MUC5AC: variants seen among roughly 807,000 people sequenced by gnomAD.
MUC5AC encodes mucin-5AC.
Under a neutral mutation model 169.7 loss-of-function variants are expected in MUC5AC, and 158 were observed. That is an observed-to-expected ratio of 0.93 (90% CI 0.82 to 1.06). MUC5AC has a LOEUF of 1.06. MUC5AC is among the 50% of genes least tolerant of loss of function. The probability of loss-of-function intolerance (pLI) is 0.00; values close to 1 mark genes in which losing one functional copy is unlikely to be tolerated. For synonymous variants in MUC5AC, 1,975 were observed against 1,237.0 expected (o/e 1.60, Z -12.52); for missense variants, 4,359 against 3,089.9 (o/e 1.41, Z -9.74).
intron 10 of MUC5AC, 43 bp from the exon 11 acceptor site, chr11:1,165,579 C>A (rs759562056): frequency 3.7e-6 from 6 of 1,607,820 alleles, no homozygotes; most frequent in Non-Finnish European, 5.1e-6. Context: ...GGAGGCTGGT[C>A]TCCTGGGGCC....
chr11:1,193,767 G>T, intron 33 of MUC5AC, 108 bp downstream of exon 33: 1 of 670,356 alleles, frequency 1.5e-6, no homozygotes, highest in South Asian at 1.6e-5. Context: ...GAAAAGAATT[G>T]GGTGGGACAG....
At chr11:1,178,765 G>A (rs1860744789) in intron 25 of MUC5AC, 82 bp downstream of exon 25, 1 of 734,106 alleles carries the variant, frequency 1.4e-6, no homozygotes. Flanking sequence ...AAGGGAATGG[G>A]GTCTGGGAGA....
At chr11:1,169,079 C>T (rs79430659) in intron 15 of MUC5AC, 53 bp downstream of exon 15, 737 of 1,491,224 alleles carry the variant, frequency 4.9e-4, no homozygotes, top group Non-Finnish European at 5.5e-4. Context: ...CTGGTTCACC[C>T]GCTTCCATTT....
chr11:1,174,860 C>G (rs912496051), intron 17 of MUC5AC, 22 bp from the exon 18 acceptor site: 6 of 418,742 alleles, frequency 1.4e-5, no homozygotes, highest in Non-Finnish European at 2.1e-5. Context: ...CCTGAGAATC[C>G]CCTCTTCCTG....
At chr11:1,168,452 C>A in intron 12 of MUC5AC, 31 bp from the exon 13 acceptor site, 1 of 1,606,862 alleles carries the variant, frequency 6.2e-7, no homozygotes. Flanking sequence ...AAGCCTGCCC[C>A]GCGCTCACAC....
intron 30 of MUC5AC, 147 bp from the exon 31 acceptor site, chr11:1,182,008 A>C: frequency 5.0e-6 from 2 of 397,854 alleles, no homozygotes; most frequent in Non-Finnish European, 8.9e-6. Flanking sequence ...TGTGCCGCTC[A>C]TGTGGGTTCT....
At chr11:1,199,298 C>T in intron 45 of MUC5AC, 73 bp from the exon 46 acceptor site, 1 of 697,882 alleles carries the variant, frequency 1.4e-6, no homozygotes, top group Non-Finnish European at 2.6e-6. Context: ...CTCTGGAAGC[C>T]CACGGGCTGG....
Position 1,189,748 on chromosome 11 carries a change from C to T in MUC5AC, c.11603C>T (p.Thr3868Ile), listed in dbSNP as rs1262308653. The T allele has an allele frequency of 3.0e-6, 2 of 662,172 alleles. No individual in the cohort carries two copies. Among genetic ancestry groups the T allele is most frequent in the African/African-American group, 3.6e-5 (2 of 56,320 alleles). The allele number at this position is 662,172 out of a possible 1,614,324, so 41.0% of individuals were successfully genotyped here. A position where few individuals can be genotyped will look rare whatever the true frequency, so the allele number is the denominator to read the frequency against. ...ACAAGCAGCACAACCTCTGCTCCTA[C>T]AGCCAGCACAATCTCTGCCCCTACA... ...APTSSTTSAP[T>I]ASTISAPTTS... The change falls in exon 31 of 49, where the codon ACA becomes ATA. Residue 3868 changes from threonine (T) to isoleucine (I), a missense_variant. Coordinates refer to ENST00000621226, the MANE Select transcript of MUC5AC (RefSeq NM_001304359.2).
Position 1,186,678 on chromosome 11 carries a change from A to G in MUC5AC, c.8533A>G (p.Thr2845Ala). Residue 2845 changes from threonine (T) to alanine (A), a missense_variant, in exon 31 of 49, where the codon ACC becomes GCC. Transcript: ENST00000621226. Reference protein sequence around the residue: ...TSSPVPTTSTTSAPTTSTTSA... With the variant: ...TSSPVPTTSTASAPTTSTTSA... ...AAGCCCTGTTCCCACCACCAGCACAACCTCTGCCCCTACAACCAGCACAAC... is the reference window on the plus strand; with the variant it reads ...AAGCCCTGTTCCCACCACCAGCACAGCCTCTGCCCCTACAACCAGCACAAC... 1 of 741,158 alleles carries G rather than the reference A, an allele frequency of 1.3e-6. No homozygotes were observed. The highest frequency in any genetic ancestry group is 2.5e-5 in the East Asian group (1 of 40,210). 45.9% of individuals were successfully genotyped at this position (741,158 alleles called of 1,614,324 possible).
intron 4 of MUC5AC, among the ~76,000 whole-genome samples, 160 bp downstream of exon 4, chr11:1,162,328 C>T (rs1053391583): frequency 2.0e-5 from 3 of 152,148 alleles, no homozygotes; most frequent in Non-Finnish European, 4.4e-5. Flanking sequence ...GAGTGGCCCA[C>T]CTGCCCCTCC....
chr11:1,181,099 C>G, intron 28 of MUC5AC, 40 bp from the exon 29 acceptor site: 1 of 398,528 alleles, frequency 2.5e-6, no homozygotes, highest in Non-Finnish European at 4.4e-6. Context: ...GGCACACGGC[C>G]GCCCCCACGC....
Position 1,187,448 on chromosome 11 carries a change from G to A in MUC5AC, c.9303G>A (p.Thr3101=), listed in dbSNP as rs1157652674. 18 of 619,148 alleles carry A rather than the reference G, an allele frequency of 2.9e-5. No homozygotes were observed. The highest frequency in any genetic ancestry group is 2.2e-4 in the East Asian group (7 of 31,976). The allele number at this position is 619,148 out of a possible 1,614,324, so 38.4% of individuals were successfully genotyped here. A position where few individuals can be genotyped will look rare whatever the true frequency, so the allele number is the denominator to read the frequency against. ...STISAPTTST[T]SAPTTSTTSA... is the part of the protein sequence containing the mutation. ...TCTCGGCCCCAACAACCAGCACAACGTCTGCTCCTACAACCAGCACAACCT... is the reference window on the plus strand; with the variant it reads ...TCTCGGCCCCAACAACCAGCACAACATCTGCTCCTACAACCAGCACAACCT... Residue 3101 remains threonine (T), a synonymous_variant, in exon 31 of 49, where the codon ACG becomes ACA. Transcript: ENST00000621226.
rs1186666314 is a variant in MUC5AC, at chr11:1,195,699, C to T, written c.15459-177C>T. 2.3e-4 allele frequency among the ~76,000 whole-genome samples: 31 copies of T among 134,774 alleles called. No homozygotes were observed. In the Admixed American group the frequency reaches 2.3e-3, roughly 10 times the overall value. The allele number at this position is 134,774 out of a possible 152,430, so 88.4% of individuals were successfully genotyped here. The stretch of plus-strand genomic sequence containing the variant: ...CATCTGGACCCCCACCCCCCGCCCC[C>T]AAGCACACAGAATGTGTGGAAGGAG... On this transcript the variant is annotated intron_variant, in intron 36 of 48. Transcript: ENST00000621226.
chr11:1,191,063 C>G lies in MUC5AC; in HGVS notation c.12918C>G (p.Thr4306=). ...TPSPVPTTST[T]SAPTTSTTSG... ...GCCCTGTTCCCACCACCAGCACAAC[C>G]TCTGCTCCTACAACTAGCACAACCT... Residue 4306 remains threonine (T), a synonymous_variant, in exon 31 of 49, where the codon ACC becomes ACG. Coordinates refer to ENST00000621226, the MANE Select transcript of MUC5AC (RefSeq NM_001304359.2). 2.7e-6 allele frequency: 2 copies of G among 748,102 alleles called. No homozygotes were observed. The highest frequency in any genetic ancestry group is 2.5e-5 in the East Asian group (1 of 40,624). 46.3% of individuals were successfully genotyped at this position (748,102 alleles called of 1,614,324 possible).
At chr11:1,171,336 CACG>C (rs1590139058) in intron 15 of MUC5AC, among the ~76,000 whole-genome samples, 29,460 of 119,956 alleles carry the variant, frequency 0.25, 5,697 homozygotes, top group African/African-American at 0.45. Flanking sequence ...CTCACTCACT[CACG>C]CATTCACTCA....
Position 1,181,263 on chromosome 11 carries a change from C to T in MUC5AC, c.3821-8C>T. 1 of 398,438 alleles carries T rather than the reference C, an allele frequency of 2.5e-6. No homozygotes were observed. Among genetic ancestry groups the T allele is most frequent in the African/African-American group, 2.1e-5 (1 of 48,666 alleles). The allele number at this position is 398,438 out of a possible 1,614,324, so 24.7% of individuals were successfully genotyped here. On this transcript the variant is annotated splice_region_variant and splice_polypyrimidine_tract_variant and intron_variant, in intron 29 of 48. Transcript: ENST00000621226. ...CCTCTGACGGGCCTGGGCCCTCCGTCCCCATAGCCTGTGTCTGCACCTACA... is the reference window on the plus strand; with the variant it reads ...CCTCTGACGGGCCTGGGCCCTCCGTTCCCATAGCCTGTGTCTGCACCTACA...
chr11:1,187,775 C>T lies in MUC5AC; in HGVS notation c.9630C>T (p.Ser3210=). 1.3e-6 allele frequency: 1 copy of T among 765,140 alleles called. No homozygotes were observed. The highest frequency in any genetic ancestry group is 2.4e-5 in the East Asian group (1 of 41,246). The allele number at this position is 765,140 out of a possible 1,614,324, so 47.4% of individuals were successfully genotyped here. ...SKTSTSHVSI[S]KTTHSQPVTR... Reference sequence around the variant, plus strand: ...CCAGCACAAGCCATGTTTCCATATCCAAGACAACCCACTCCCAACCAGTCA... The same window carrying T: ...CCAGCACAAGCCATGTTTCCATATCTAAGACAACCCACTCCCAACCAGTCA... The change falls in exon 31 of 49, where the codon TCC becomes TCT. Residue 3210 remains serine (S), a synonymous_variant. Coordinates refer to ENST00000621226, the MANE Select transcript of MUC5AC (RefSeq NM_001304359.2).
At chr11:1,196,991 G>T in intron 40 of MUC5AC, 83 bp downstream of exon 40, 2 of 708,530 alleles carry the variant, frequency 2.8e-6, no homozygotes, top group East Asian at 2.6e-5. Flanking sequence ...CCCCAGAAAT[G>T]GTCAGGTGGG....
chr11:1,179,287 C>G, intron 26 of MUC5AC, 39 bp downstream of exon 26: 1 of 504,214 alleles, frequency 2.0e-6, no homozygotes, highest in Non-Finnish European at 3.6e-6. Context: ...ACAGGAAGCG[C>G]CGGCAGCGTG....
Sources: allele counts gnomAD v4.1 joint callset (sites outside exome capture counted in the v4.1 genomes callset), GRCh38; gene constraint gnomAD v4.1.1; transcripts MANE v1.5; gene names NCBI Gene and HGNC (gene_info 2026-07-23, HGNC 2026-07-21).